The following PPFIA4 variants were observed in gnomAD, a reference collection of about 807,000 sequenced individuals.
PPFIA4 encodes the protein PPFI scaffold protein A4.
A neutral mutation model predicts 145.7 loss-of-function variants in PPFIA4; 98 were observed. That is an observed-to-expected ratio of 0.67 (90% CI 0.57 to 0.80). PPFIA4 has a LOEUF of 0.80. Among genes scored for constraint, PPFIA4 ranks in the 30% least tolerant of loss-of-function variants. PPFIA4 has a pLI of 0.00. For missense variants in PPFIA4, 1,457 were observed against 1,632.7 expected, an observed-to-expected ratio of 0.89 and a Z score of 1.85; for synonymous variants, 628 against 649.6, an observed-to-expected ratio of 0.97 and a Z score of 0.51.
At chr1:203,069,755 A>ACCCCCCCCCCCCC (rs5780138) in intron 27 of PPFIA4, among the ~76,000 whole-genome samples, 24 of 104,798 alleles carry the variant, frequency 2.3e-4, no homozygotes, top group South Asian at 3.6e-4. Flanking sequence ...TTCTGCAGTG[A>ACCCCCCCCCCCCC]CCCCCCCGCC....
At chr1:203,039,386 G>A (rs965997091) in intron 2 of PPFIA4, 144 bp downstream of exon 2, 9 of 638,788 alleles carry the variant, frequency 1.4e-5, no homozygotes, top group Non-Finnish European at 2.0e-5. Context: ...ATCTCTCTAC[G>A]TGAATTCTTT....
In PPFIA4 at chr1:203,075,709, G is replaced by C; in HGVS notation, c.3526G>C (p.Gly1176Arg). 1 of 1,458,416 alleles carries C rather than the reference G, an allele frequency of 6.9e-7. No individual in the cohort carries two copies. The highest frequency in any genetic ancestry group is 1.4e-5 in the South Asian group (1 of 72,020). 90.3% of individuals were successfully genotyped at this position (1,458,416 alleles called of 1,614,324 possible). ...LPAGFRVSTL[G>R]TLQPPPAPPK... ...GGCGGGCTTCCGTGTGTCCACCCTG[G>C]GGACCCTGCAGCCCCCACCGGCCCC... Residue 1176 changes from glycine to arginine, a missense_variant, in exon 29 of 30, where the codon GGG becomes CGG. By Grantham distance (125) the Gly-to-Arg change is moderately radical. Around this residue, in one of 3 missense-constraint regions of PPFIA4, gnomAD observed 146 missense variants for 126.2 expected, o/e 1.16. Transcript: ENST00000295706. The surrounding 1 kb of genome is among the most constrained non-coding windows in gnomAD (Gnocchi z 4.1).
intron 5 of PPFIA4, 44 bp downstream of exon 5, chr1:203,044,497 A>C (rs1659925725): frequency 6.5e-7 from 1 of 1,531,938 alleles, no homozygotes; most frequent in South Asian, 1.2e-5. Context: ...CTGGAAGTCC[A>C]GGCTGGTTCA....
intron 1 of PPFIA4, chr1:203,035,731 A>AGAAGGAGCTG (rs1659200346): frequency 2.2e-6 from 1 of 448,418 alleles, no homozygotes. Context: ...CCCTGGAGCC[A>AGAAGGAGCTG]GAAGGAGCTG....
At chr1:203,074,088 G>C (rs1218707582) in intron 28 of PPFIA4, among the ~76,000 whole-genome samples, 1 of 152,180 alleles carries the variant, frequency 6.6e-6, no homozygotes, top group Non-Finnish European at 1.5e-5. Context: ...AAAGTGAAAG[G>C]CATGGAGGTA....
intron 25 of PPFIA4, among the ~76,000 whole-genome samples, 176 bp downstream of exon 25, chr1:203,064,179 G>A (rs767973638): frequency 2.2e-4 from 33 of 152,336 alleles, no homozygotes; most frequent in Middle Eastern, 6.8e-3. Flanking sequence ...CCTGTAATTT[G>A]AGGATTCGAT....
In PPFIA4 at chr1:203,045,871, C is replaced by T. The variant is rs776421077; in HGVS notation, c.889C>T (p.Arg297Trp). The change falls in exon 8 of 30, where the codon CGG becomes TGG. Residue 297 changes from arginine (R) to tryptophan (W), a missense_variant. Arg to Trp is a moderately radical substitution (Grantham distance 101). Transcript: ENST00000295706. Reference protein sequence around the residue: ...ALAQKEDMEERITTLEKRYLA... With the variant: ...ALAQKEDMEEWITTLEKRYLA... ...GGCCCAGAAGGAGGACATGGAAGAG[C>T]GGATTACTACACTGGAGAAGCGCTA... 24 of 1,612,716 alleles carry T rather than the reference C, an allele frequency of 1.5e-5. No individual in the cohort carries two copies. In the East Asian group the frequency reaches 2.5e-4, roughly 16 times the overall value.
chr1:203,051,035 C>A, intron 13 of PPFIA4: 1 of 630,188 alleles, frequency 1.6e-6, no homozygotes, highest in Non-Finnish European at 2.0e-6. Context: ...TGTAGGCTCA[C>A]TGTGTCCCTT....
intron 24 of PPFIA4, 76 bp from the exon 25 acceptor site, chr1:203,063,752 G>T: frequency 6.7e-7 from 1 of 1,501,274 alleles, no homozygotes; most frequent in South Asian, 1.1e-5. Context: ...TGTGTCTCCC[G>T]ACCAGCTATA....
chr1:203,055,655 AT>A lies in PPFIA4; in HGVS notation c.2054del (p.Met685ArgfsTer4). The A allele has an allele frequency of 1.9e-6, 3 of 1,613,884 alleles. No individual in the cohort carries two copies. The highest frequency in any genetic ancestry group is 2.5e-6 in the Non-Finnish European group (3 of 1,179,856). Reference sequence around the variant, plus strand: ...CAGTGCTGCCCAGGACCTGGACCGAATGGGGGTCATGACCCTGGTGAGAGGC... The same window carrying A: ...CAGTGCTGCCCAGGACCTGGACCGAAGGGGGTCATGACCCTGGTGAGAGGC... ...SRSAAQDLDRMGVMTLPSDLR... is the reference protein window; with the variant it reads ...SRSAAQDLDRXGVMTLPSDLR... On this transcript the variant is annotated frameshift_variant, in exon 16 of 30. Coordinates refer to ENST00000295706, the MANE Select transcript of PPFIA4 (RefSeq NM_001304331.2). LOFTEE classifies it high-confidence loss of function. This position sits in a 1 kb window ranked among gnomAD's most constrained non-coding sequence, Gnocchi z 4.8.
intron 23 of PPFIA4, 93 bp downstream of exon 23, chr1:203,061,125 G>A: frequency 8.3e-7 from 1 of 1,200,922 alleles, no homozygotes; most frequent in Non-Finnish European, 1.2e-6. Context: ...GTCAGAGTGG[G>A]CTGCCATCGA....
rs114342025 is a variant in PPFIA4, at chr1:203,068,298, G to C, written c.3149-155G>C. Among the ~76,000 whole-genome samples, 524 of 152,274 alleles carry C rather than the reference G, an allele frequency of 3.4e-3. 2 individuals are homozygous for C. Among genetic ancestry groups the C allele is most frequent in the African/African-American group, 0.012 (503 of 41,548 alleles). ...CCCCAGGCACCCAGGTGCCAGGGAG[G>C]AGAGAAAGAAGATATGGAAATTTAG... On this transcript the variant is annotated intron_variant, in intron 26 of 29. Coordinates refer to ENST00000295706, the MANE Select transcript of PPFIA4 (RefSeq NM_001304331.2). This position sits in a 1 kb window ranked among gnomAD's most constrained non-coding sequence, Gnocchi z 4.7.
At chr1:203,042,583 C>T (rs1249196506) in intron 2 of PPFIA4, among the ~76,000 whole-genome samples, 1 of 152,206 alleles carries the variant, frequency 6.6e-6, no homozygotes, top group African/African-American at 2.4e-5. Context: ...CTCCCTGGGG[C>T]ACTCATGCAG....
At position 203,046,114 on chromosome 1, in the gene PPFIA4, G is replaced by A. The variant is rs188063990; in HGVS notation, c.1005+127G>A. On this transcript the variant is annotated intron_variant, in intron 8 of 29. Coordinates refer to ENST00000295706, the MANE Select transcript of PPFIA4 (RefSeq NM_001304331.2). ...GTCACCCTTTGAAAGGGGAAGTCAGGCGTCTCGGGCAGCCAACAACCAAGA... is the reference window on the plus strand; with the variant it reads ...GTCACCCTTTGAAAGGGGAAGTCAGACGTCTCGGGCAGCCAACAACCAAGA... 4.6e-5 allele frequency: 71 copies of A among 1,551,690 alleles called. No homozygotes were observed. The East Asian group carries it at 1.6e-3, about 34-fold the overall frequency.
At chr1:203,030,959 A>C (rs983449968) in intron 1 of PPFIA4, among the ~76,000 whole-genome samples, 1 of 152,236 alleles carries the variant, frequency 6.6e-6, no homozygotes, top group African/African-American at 2.4e-5. Flanking sequence ...ACACACTGTC[A>C]TGAGTCTATA....
In PPFIA4 at chr1:203,078,177, T is replaced by G. The variant is rs1448420637; in HGVS notation, c.*1787T>G. The G allele has an allele frequency of 1.3e-5, 2 of 152,320 alleles. No homozygotes were observed. The highest frequency in any genetic ancestry group is 3.8e-4 in the East Asian group (2 of 5,204). The allele number at this position is 152,320 out of a possible 1,614,324, so 9.4% of individuals were successfully genotyped here. A position where few individuals can be genotyped will look rare whatever the true frequency, so the allele number is the denominator to read the frequency against. Reference sequence around the variant, plus strand: ...TTAGTGTTCCCTGGCCTCCCTGCCATCAGGTTGCTGGGAGTGGAGATGGAG... The same window carrying G: ...TTAGTGTTCCCTGGCCTCCCTGCCAGCAGGTTGCTGGGAGTGGAGATGGAG... On this transcript the variant is annotated 3_prime_UTR_variant, in exon 30 of 30. Coordinates refer to ENST00000295706, the MANE Select transcript of PPFIA4 (RefSeq NM_001304331.2).
intron 8 of PPFIA4, 115 bp downstream of exon 8, chr1:203,046,102 A>AG: frequency 6.7e-7 from 1 of 1,493,952 alleles, no homozygotes; most frequent in South Asian, 1.2e-5. Context: ...ACCCTTTGAA[A>AG]GGGGAAGTCA....
chr1:203,034,060 A>G (rs1197730202), intron 1 of PPFIA4, among the ~76,000 whole-genome samples: 1 of 152,112 alleles, frequency 6.6e-6, no homozygotes, highest in Non-Finnish European at 1.5e-5. Flanking sequence ...TCTACAGATG[A>G]GATGATGTAA....
intron 25 of PPFIA4, among the ~76,000 whole-genome samples, chr1:203,064,457 C>G (rs1661593445): frequency 6.6e-6 from 1 of 152,146 alleles, no homozygotes; most frequent in South Asian, 2.1e-4. Context: ...CAGATCGGAA[C>G]CTCTCCGCTT....
Sources: gnomAD v4.1 joint callset for allele counts (sites outside exome capture counted in the v4.1 genomes callset) on GRCh38, gnomAD v4.1.1 for gene constraint, gnomAD v4.1.1 regional missense constraint, Gnocchi (gnomAD v3.1) non-coding constraint, MANE v1.5 for transcripts, NCBI Gene and HGNC (gene_info 2026-07-23, HGNC 2026-07-21) for gene names.